The following SMYD3 variants were observed in gnomAD, a reference collection of about 807,000 sequenced individuals.
SMYD3 encodes SET and MYND domain containing 3.
Under a neutral mutation model 57.7 loss-of-function variants are expected in SMYD3, and 36 were observed. The ratio of observed to expected loss-of-function variants is 0.62; its 90% CI spans 0.48 to 0.82. The LOEUF (loss-of-function observed/expected upper bound fraction) is 0.82. Among genes scored for constraint, SMYD3 ranks in the 40% least tolerant of loss-of-function variants. SMYD3 has a pLI of 0.00. For synonymous variants in SMYD3, 211 were observed against 195.0 expected (o/e 1.08, Z -0.68); for missense variants, 515 against 538.8 (o/e 0.96, Z 0.44).
intron 5 of SMYD3, among the ~76,000 whole-genome samples, chr1:246,276,803 T>C (rs1015944700): frequency 2.6e-5 from 4 of 150,968 alleles, no homozygotes; most frequent in Non-Finnish European, 5.9e-5. Context: ...AGTTACTTAA[T>C]GTTTCTAGTG....
At chr1:246,489,405 G>C (rs1266632654) in intron 1 of SMYD3, among the ~76,000 whole-genome samples, 1 of 152,148 alleles carries the variant, frequency 6.6e-6, no homozygotes, top group East Asian at 1.9e-4. Flanking sequence ...TACTATCCTA[G>C]TACTTTTGTG....
chr1:245,864,099 A>T (rs567464647), intron 8 of SMYD3, among the ~76,000 whole-genome samples: 1 of 152,210 alleles, frequency 6.6e-6, no homozygotes, highest in Non-Finnish European at 1.5e-5. Flanking sequence ...GGATAACAGC[A>T]AAGGTTAGTG....
At chr1:246,378,376 A>C (rs2066314668) in intron 1 of SMYD3, among the ~76,000 whole-genome samples, 1 of 152,086 alleles carries the variant, frequency 6.6e-6, no homozygotes, top group Admixed American at 6.6e-5. Flanking sequence ...TGGGAAAGGC[A>C]GACCCACCCT....
intron 5 of SMYD3, among the ~76,000 whole-genome samples, chr1:245,973,574 C>A (rs1572822449): frequency 6.6e-6 from 1 of 152,158 alleles, no homozygotes; most frequent in African/African-American, 2.4e-5. Context: ...AAAACCTACC[C>A]ATGTTGTGAG....
At position 246,356,140 on chromosome 1, in the gene SMYD3, G is replaced by C. The variant is rs955494120; in HGVS notation, c.165-1046C>G. 3.3e-5 allele frequency among the ~76,000 whole-genome samples: 5 copies of C among 150,486 alleles called. No homozygotes were observed. In the East Asian group the frequency reaches 9.7e-4, roughly 29 times the overall value. On this transcript the variant is annotated intron_variant, in intron 1 of 11. Coordinates refer to ENST00000490107, the MANE Select transcript of SMYD3 (RefSeq NM_001167740.2). ...CAGGACTCTTAGCAGTCACTCCCCAGTACCAGCCCAGAGCCCAGTACCTCC... is the reference window on the plus strand; with the variant it reads ...CAGGACTCTTAGCAGTCACTCCCCACTACCAGCCCAGAGCCCAGTACCTCC...
At chr1:246,417,105 G>A (rs1288798069) in intron 1 of SMYD3, among the ~76,000 whole-genome samples, 3 of 152,056 alleles carry the variant, frequency 2.0e-5, no homozygotes, top group African/African-American at 7.3e-5. Flanking sequence ...CATAACTTGT[G>A]GGTCCCATTC....
chr1:246,249,230 A>G (rs1374608320), intron 5 of SMYD3, among the ~76,000 whole-genome samples: 2 of 151,850 alleles, frequency 1.3e-5, no homozygotes, highest in African/African-American at 4.8e-5. Context: ...CAGCCTTCCA[A>G]GTAGCTGGGA....
At chr1:246,372,565 A>G (rs949061217) in intron 1 of SMYD3, among the ~76,000 whole-genome samples, 1 of 152,188 alleles carries the variant, frequency 6.6e-6, no homozygotes, top group African/African-American at 2.4e-5. Flanking sequence ...TAGGTACAGA[A>G]AGAGGAGATA....
chr1:245,876,813 G>A (rs2153403), intron 8 of SMYD3, among the ~76,000 whole-genome samples: 90,456 of 152,020 alleles, frequency 0.6, 30,010 homozygotes, highest in Non-Finnish European at 0.76. Flanking sequence ...AATACCGCAC[G>A]TGATAACAGA....
At chr1:245,925,944 C>T (rs1054591307) in intron 7 of SMYD3, among the ~76,000 whole-genome samples, 2 of 152,178 alleles carry the variant, frequency 1.3e-5, no homozygotes, top group Non-Finnish European at 1.5e-5. Context: ...GCTGTTTTAA[C>T]AGAATACCAC....
chr1:246,282,996 A>T (rs1043168649), intron 5 of SMYD3, among the ~76,000 whole-genome samples: 4 of 152,204 alleles, frequency 2.6e-5, no homozygotes, highest in African/African-American at 9.6e-5. Context: ...CTTCAGAGTG[A>T]TCGGAATTTA....
intron 10 of SMYD3, among the ~76,000 whole-genome samples, chr1:245,816,665 C>G (rs12088137): frequency 6.6e-6 from 1 of 152,024 alleles, no homozygotes; most frequent in Non-Finnish European, 1.5e-5. Context: ...GAGTGCCAGA[C>G]AGTGGGCACA....
intron 5 of SMYD3, among the ~76,000 whole-genome samples, chr1:246,185,390 A>C (rs7550985): frequency 0.43 from 61,516 of 142,012 alleles, 14,604 homozygotes; most frequent in African/African-American, 0.68. Context: ...GTGCCCGCCA[A>C]CACGCCCGGC....
At chr1:245,861,097 A>G (rs751317864) in intron 9 of SMYD3, among the ~76,000 whole-genome samples, 1 of 152,252 alleles carries the variant, frequency 6.6e-6, no homozygotes, top group Non-Finnish European at 1.5e-5. Context: ...CAATGCTGGC[A>G]ACTGTCTCTT....
At chr1:246,280,113 T>C (rs550996738) in intron 5 of SMYD3, among the ~76,000 whole-genome samples, 1 of 152,288 alleles carries the variant, frequency 6.6e-6, no homozygotes, top group South Asian at 2.1e-4. Flanking sequence ...ATATATATAG[T>C]AGCATGAGGT....
Position 246,012,251 on chromosome 1 carries a change from A to T in SMYD3, c.532-82314T>A, listed in dbSNP as rs1334498901. Among the ~76,000 whole-genome samples, 5 of 152,278 alleles carry T rather than the reference A, an allele frequency of 3.3e-5. No homozygotes were observed. The East Asian group carries it at 9.6e-4, about 29-fold the overall frequency. ...AAAACCACACACCATGACAATAAAG[A>T]CCCAAGCATGTTTTCAATAAATTAT... On this transcript the variant is annotated intron_variant, in intron 5 of 11. Transcript: ENST00000490107.
In SMYD3 at chr1:246,191,297, T is replaced by C. The variant is rs539570524; in HGVS notation, c.531+135904A>G. 1.5e-3 allele frequency among the ~76,000 whole-genome samples: 222 copies of C among 152,320 alleles called. 1 individual carries two copies. The highest frequency in any genetic ancestry group is 5.0e-3 in the African/African-American group (209 of 41,580). ...CCTCGTTTGGTGGACCCACAAATAA[T>C]GGTCCTGCCTAGAACCATCACCGCA... On this transcript the variant is annotated intron_variant, in intron 5 of 11. Coordinates refer to ENST00000490107, the MANE Select transcript of SMYD3 (RefSeq NM_001167740.2).
chr1:246,496,077 G>A (rs1279620606), intron 1 of SMYD3, among the ~76,000 whole-genome samples: 4 of 151,554 alleles, frequency 2.6e-5, no homozygotes, highest in South Asian at 2.1e-4. Context: ...TCACTCTGTC[G>A]CCAGGCTGGA....
chr1:246,293,240 A>G (rs1322858710), intron 5 of SMYD3, among the ~76,000 whole-genome samples: 1 of 152,008 alleles, frequency 6.6e-6, no homozygotes, highest in Non-Finnish European at 1.5e-5. Context: ...GCACTGACAG[A>G]TATCTTCTGA....
Sources: gnomAD v4.1 joint callset for allele counts (sites outside exome capture counted in the v4.1 genomes callset) on GRCh38, gnomAD v4.1.1 for gene constraint, MANE v1.5 for transcripts, NCBI Gene and HGNC (gene_info 2026-07-23, HGNC 2026-07-21) for gene names.